The following NRG1 variants were observed in gnomAD, a reference collection of about 807,000 sequenced individuals.
NRG1 encodes the protein pro-neuregulin-1, membrane-bound isoform.
Under a neutral mutation model 63.8 loss-of-function variants are expected in NRG1, and 18 were observed. That is an observed-to-expected ratio of 0.28 (90% CI 0.19 to 0.42). NRG1 has a LOEUF of 0.42. Ranked by LOEUF, NRG1 falls within the 10% of genes least tolerant of loss-of-function variation. The pLI is 1.00. For missense variants in NRG1, 762 were observed against 814.7 expected, an observed-to-expected ratio of 0.94 and a Z score of 0.79; for synonymous variants, 302 against 301.3, an observed-to-expected ratio of 1.00 and a Z score of -0.02.
chr8:32,736,353 T>C (rs1825059219), intron 6 of NRG1, among the ~76,000 whole-genome samples: 1 of 152,180 alleles, frequency 6.6e-6, no homozygotes, highest in Non-Finnish European at 1.5e-5. Flanking sequence ...CTGGGCAGAA[T>C]GCTGAGCTGG....
chr8:32,560,030 A>ATAAAT (rs1836075776), intron 1 of NRG1, among the ~76,000 whole-genome samples: 1 of 152,136 alleles, frequency 6.6e-6, no homozygotes, highest in Non-Finnish European at 1.5e-5. Context: ...ATAAAATAAA[A>ATAAAT]TAAGATATAA....
At chr8:32,542,663 C>T (rs1832690284) in intron 1 of NRG1, among the ~76,000 whole-genome samples, 1 of 152,168 alleles carries the variant, frequency 6.6e-6, no homozygotes, top group African/African-American at 2.4e-5. Flanking sequence ...GCAAGGAGGC[C>T]TTTGTGCAGG....
At chr8:32,190,176 T>G (rs978562790) in intron 1 of NRG1, among the ~76,000 whole-genome samples, 1 of 149,580 alleles carries the variant, frequency 6.7e-6, no homozygotes, top group African/African-American at 2.5e-5. Flanking sequence ...TCAAAATGTA[T>G]TATTATTATT....
At chr8:31,884,531 C>T (rs915327161) in intron 1 of NRG1, among the ~76,000 whole-genome samples, 1 of 152,070 alleles carries the variant, frequency 6.6e-6, no homozygotes, top group East Asian at 1.9e-4. Context: ...TTTCTCCCAC[C>T]TCCAAGTCAA....
rs557136825 is a variant in NRG1 at position 32,401,353 on chromosome 8, G to T, written c.38-194475G>T. Reference sequence around the variant, plus strand: ...AAATAAAAAATAAAACTGCAAACGTGCCCTGCTTTCTGGCAGTACCCCATT... The same window carrying T: ...AAATAAAAAATAAAACTGCAAACGTTCCCTGCTTTCTGGCAGTACCCCATT... On this transcript the variant is annotated intron_variant, in intron 1 of 10. Transcript: ENST00000519301. 2.6e-5 allele frequency among the ~76,000 whole-genome samples: 4 copies of T among 152,112 alleles called. No homozygotes were observed. In the South Asian group the frequency reaches 8.3e-4, roughly 32 times the overall value.
chr8:32,468,116 GT>G (rs1823304672), intron 1 of NRG1, among the ~76,000 whole-genome samples: 1 of 152,102 alleles, frequency 6.6e-6, no homozygotes, highest in African/African-American at 2.4e-5. Context: ...TTATTGACTT[GT>G]CAGGAGCATG....
chr8:32,633,055 C>CT (rs1426895717), intron 5 of NRG1, among the ~76,000 whole-genome samples: 3 of 152,100 alleles, frequency 2.0e-5, no homozygotes, highest in South Asian at 2.1e-4. Flanking sequence ...TTTTTGACTA[C>CT]TTTTTTATGC....
At chr8:32,096,785 C>T (rs1367602944) in intron 1 of NRG1, among the ~76,000 whole-genome samples, 1 of 152,168 alleles carries the variant, frequency 6.6e-6, no homozygotes, top group East Asian at 1.9e-4. Context: ...AGGCATTAAT[C>T]TATTTATGAA....
At chr8:32,036,853 A>G (rs1252100719) in intron 1 of NRG1, among the ~76,000 whole-genome samples, 1 of 152,138 alleles carries the variant, frequency 6.6e-6, no homozygotes, top group Non-Finnish European at 1.5e-5. Context: ...CATGGTTCTT[A>G]GCTTCTTTGC....
chr8:32,419,105 A>T (rs1490521058), intron 1 of NRG1, among the ~76,000 whole-genome samples: 1 of 152,204 alleles, frequency 6.6e-6, no homozygotes, highest in African/African-American at 2.4e-5. Context: ...CACTTGAGAG[A>T]TGGATTTCCT....
At chr8:32,645,058 G>A (rs17722883) in intron 5 of NRG1, among the ~76,000 whole-genome samples, 18,256 of 152,066 alleles carry the variant, frequency 0.12, 1,181 homozygotes, top group Middle Eastern at 0.19. Context: ...ATTCAGTGCC[G>A]TATATTTCAA....
chr8:31,930,547 A>G (rs1335607425), intron 1 of NRG1, among the ~76,000 whole-genome samples: 1 of 152,208 alleles, frequency 6.6e-6, no homozygotes, highest in East Asian at 1.9e-4. Flanking sequence ...AAACAACTTT[A>G]TTGAAGAGCT....
At chr8:32,463,893 TTTTTTTTTTTTTTTTTTTTTG>T (rs1822677420) in intron 1 of NRG1, among the ~76,000 whole-genome samples, 1 of 62,696 alleles carries the variant, frequency 1.6e-5, no homozygotes, top group African/African-American at 7.2e-5. Context: ...TTTTTTTTTT[TTTTTTTTTTTTTTTTTTTTTG>T]GGGGAGGGTC....
At chr8:32,327,191 A>G (rs1802122149) in intron 1 of NRG1, among the ~76,000 whole-genome samples, 1 of 152,190 alleles carries the variant, frequency 6.6e-6, no homozygotes, top group African/African-American at 2.4e-5. Flanking sequence ...TTTGAACCTG[A>G]ATCAGAATAG....
chr8:32,710,807 A>G (rs1817624193), intron 5 of NRG1, among the ~76,000 whole-genome samples: 1 of 152,214 alleles, frequency 6.6e-6, no homozygotes, highest in African/African-American at 2.4e-5. Context: ...AATGAAAAAT[A>G]TAAGACAACA....
At chr8:32,579,907 C>T (rs953064601) in intron 1 of NRG1, among the ~76,000 whole-genome samples, 5 of 152,220 alleles carry the variant, frequency 3.3e-5, no homozygotes, top group African/African-American at 4.8e-5. Context: ...TTGCCTTTTT[C>T]GGCTTCTAGA....
chr8:31,789,768 TAATCCTATAAG>T (rs1405494321), intron 1 of NRG1, among the ~76,000 whole-genome samples: 1 of 152,204 alleles, frequency 6.6e-6, no homozygotes, highest in African/African-American at 2.4e-5. Context: ...TTCTGGATTG[TAATCCTATAAG>T]AATATGATCA....
chr8:31,792,593 C>T (rs1179877430), intron 1 of NRG1, among the ~76,000 whole-genome samples: 1 of 152,220 alleles, frequency 6.6e-6, no homozygotes, highest in Non-Finnish European at 1.5e-5. Context: ...TTTAATACTG[C>T]TGTTCATTGT....
Position 31,640,020 on chromosome 8 carries a change from T to G in NRG1, c.37+589T>G. 1.8e-6 allele frequency: 2 copies of G among 1,134,428 alleles called. No individual in the cohort carries two copies. Among genetic ancestry groups the G allele is most frequent in the Non-Finnish European group, 2.2e-6 (2 of 927,704 alleles). 70.3% of individuals were successfully genotyped at this position (1,134,428 alleles called of 1,614,324 possible). A position where few individuals can be genotyped will look rare whatever the true frequency, so the allele number is the denominator to read the frequency against. On this transcript the variant is annotated intron_variant, in intron 1 of 10. Coordinates refer to the NRG1 transcript ENST00000519301. This position sits in a 1 kb window ranked among gnomAD's most constrained non-coding sequence, Gnocchi z 6.3. ...GACGCGCCCCGCGCCGCTCCGGGCG[T>G]CCCGGCCCCCGGGCCCAGCGCCCCG...
Sources: allele counts gnomAD v4.1 joint callset (sites outside exome capture counted in the v4.1 genomes callset), GRCh38; gene constraint gnomAD v4.1.1; non-coding constraint Gnocchi (gnomAD v3.1); transcripts MANE v1.5; gene names NCBI Gene and HGNC (gene_info 2026-07-23, HGNC 2026-07-21).